The following DBN1 variants were observed in gnomAD, a reference collection of about 807,000 sequenced individuals.
DBN1 encodes the protein drebrin.
In DBN1, 21 loss-of-function variants were observed where a neutral mutation model predicts 83.5. The ratio of observed to expected loss-of-function variants is 0.25; its 90% CI spans 0.18 to 0.36. The LOEUF is 0.36. DBN1 is among the 10% of genes least tolerant of loss of function. The probability of loss-of-function intolerance (pLI) is 1.00; values close to 1 mark genes in which losing one functional copy is unlikely to be tolerated. For missense variants in DBN1, 874 were observed against 935.7 expected, an observed-to-expected ratio of 0.93 and a Z score of 0.86; for synonymous variants, 381 against 384.9, an observed-to-expected ratio of 0.99 and a Z score of 0.12.
Position 177,473,558 on chromosome 5 carries a change from G to C in DBN1, c.-37C>G. On this transcript the variant is annotated 5_prime_UTR_variant, in exon 1 of 15. Transcript: ENST00000393565. ...GACCGGGCCGAACGGACAGACGCGCGGACGGACGGGCGGACGGAGGAGGAG... is the reference window on the plus strand; with the variant it reads ...GACCGGGCCGAACGGACAGACGCGCCGACGGACGGGCGGACGGAGGAGGAG... The C allele has an allele frequency of 7.6e-7, 1 of 1,313,712 alleles. No individual in the cohort carries two copies. The highest frequency in any genetic ancestry group is 9.8e-7 in the Non-Finnish European group (1 of 1,016,968). 81.4% of individuals were successfully genotyped at this position (1,313,712 alleles called of 1,614,324 possible). A position where few individuals can be genotyped will look rare whatever the true frequency, so the allele number is the denominator to read the frequency against.
rs761073720 is a variant in DBN1, at chr5:177,466,855, G to A, written c.708-20C>T. ...TTCCTCCTGGAACGATAAGCAGCCA[G>A]CACCCGTCAGGGTGCGCCCGGGGGC... On this transcript the variant is annotated intron_variant, in intron 7 of 14. Coordinates refer to ENST00000393565, the MANE Select transcript of DBN1 (RefSeq NM_001363541.2). The surrounding 1 kb of genome is among the most constrained non-coding windows in gnomAD (Gnocchi z 4.8). The A allele has an allele frequency of 6.2e-7, 1 of 1,613,954 alleles. No individual in the cohort carries two copies. The highest frequency in any genetic ancestry group is 8.5e-7 in the Non-Finnish European group (1 of 1,179,948).
chr5:177,467,332 C>G lies in DBN1; in HGVS notation c.478G>C (p.Gly160Arg). Reference sequence around the variant, plus strand: ...GCATCCGTCTTCTGGTAGGTGGTGCCCTGCAGTGTCGAAGGACCCAGCATA... The same window carrying G: ...GCATCCGTCTTCTGGTAGGTGGTGCGCTGCAGTGTCGAAGGACCCAGCATA... ...LREDENAEPV[G>R]TTYQKTDAAV... is the part of the protein sequence containing the mutation. The change falls in exon 6 of 15, where the codon GGC becomes CGC. Residue 160 changes from glycine to arginine, a missense_variant and splice_region_variant. Physicochemically the swap from Gly to Arg is moderately radical, Grantham distance 125. Around this residue, in one of 4 missense-constraint regions of DBN1, gnomAD observed 725 missense variants for 719.7 expected, o/e 1.01. Coordinates refer to ENST00000393565, the MANE Select transcript of DBN1 (RefSeq NM_001363541.2). The surrounding 1 kb of genome is among the most constrained non-coding windows in gnomAD (Gnocchi z 9.1). 6.2e-7 allele frequency: 1 copy of G among 1,614,170 alleles called. No individual in the cohort carries two copies. The highest frequency in any genetic ancestry group is 8.5e-7 in the Non-Finnish European group (1 of 1,180,026).
Position 177,466,457 on chromosome 5 carries a change from G to C in DBN1, c.771+315C>G, listed in dbSNP as rs181619242. 1.4e-3 allele frequency among the ~76,000 whole-genome samples: 220 copies of C among 152,344 alleles called. 2 individuals are homozygous for C. Among genetic ancestry groups the C allele is most frequent in the Admixed American group, 0.012 (177 of 15,308 alleles). On this transcript the variant is annotated intron_variant, in intron 8 of 14. Transcript: ENST00000393565. The surrounding 1 kb of genome is among the most constrained non-coding windows in gnomAD (Gnocchi z 4.8). The stretch of plus-strand genomic sequence containing the variant: ...CACTCCTGTGGCCCCTCAGAGTGCA[G>C]AACAGTGTCTAATCGCCGAGAAACC...
intron 12 of DBN1, 102 bp from the exon 13 acceptor site, chr5:177,458,809 C>T: frequency 8.3e-7 from 1 of 1,210,486 alleles, no homozygotes; most frequent in Non-Finnish European, 1.1e-6. Context: ...GACTTCCATG[C>T]AGGTGTCCCA....
At chr5:177,462,327 C>G in intron 8 of DBN1, 1 of 985,508 alleles carries the variant, frequency 1.0e-6, no homozygotes, top group Non-Finnish European at 1.2e-6. Flanking sequence ...GGGAGACTGG[C>G]CTCCCTCCCA....
At chr5:177,462,154 C>G in intron 8 of DBN1, 2 of 916,792 alleles carry the variant, frequency 2.2e-6, no homozygotes, top group Non-Finnish European at 1.3e-6. Flanking sequence ...TGGCCTACGT[C>G]CCCCACCCCT....
chr5:177,467,923 G>C lies in DBN1; in HGVS notation c.256-106C>G. 1.4e-6 allele frequency: 2 copies of C among 1,425,938 alleles called. No individual in the cohort carries two copies. The highest frequency in any genetic ancestry group is 2.0e-6 in the Non-Finnish European group (2 of 1,019,216). 88.3% of individuals were successfully genotyped at this position (1,425,938 alleles called of 1,614,324 possible). A position where few individuals can be genotyped will look rare whatever the true frequency, so the allele number is the denominator to read the frequency against. On this transcript the variant is annotated intron_variant, in intron 3 of 14. Transcript: ENST00000393565. This position sits in a 1 kb window ranked among gnomAD's most constrained non-coding sequence, Gnocchi z 9.1. ...GAAGAGGGTGGGCTTCCCTCTCCAC[G>C]GGTGTCAGAGGGCCGACGGGGAGGG...
chr5:177,463,967 T>C (rs1030940188), intron 8 of DBN1, among the ~76,000 whole-genome samples: 9 of 151,128 alleles, frequency 6.0e-5, no homozygotes, highest in African/African-American at 2.2e-4. Context: ...ATACAAACAT[T>C]AGCCGGGCAT....
At chr5:177,460,960 G>A (rs1165105008) in intron 8 of DBN1, among the ~76,000 whole-genome samples, 1 of 150,966 alleles carries the variant, frequency 6.6e-6, no homozygotes, top group African/African-American at 2.4e-5. Flanking sequence ...TAATTTTTTG[G>A]TAGAGATGGG....
intron 1 of DBN1, 65 bp downstream of exon 1, chr5:177,473,371 A>C: frequency 3.2e-5 from 29 of 917,408 alleles, no homozygotes; most frequent in East Asian, 7.0e-5. Flanking sequence ...GCGGGGCGGG[A>C]GAGAAACAAA....
At position 177,458,787 on chromosome 5, in the gene DBN1, G is replaced by A. The variant is rs900156495; in HGVS notation, c.1265-80C>T. 4 of 1,326,924 alleles carry A rather than the reference G, an allele frequency of 3.0e-6. No individual in the cohort carries two copies. The East Asian group carries it at 1.0e-4, about 34-fold the overall frequency. 82.2% of individuals were successfully genotyped at this position (1,326,924 alleles called of 1,614,324 possible). On this transcript the variant is annotated intron_variant, in intron 12 of 14. Transcript: ENST00000393565. ...AGACCCTGCCCACCCACTAAGGAGTGAGGGAGCCAGGGACTTCCATGCAGG... is the reference window on the plus strand; with the variant it reads ...AGACCCTGCCCACCCACTAAGGAGTAAGGGAGCCAGGGACTTCCATGCAGG...
chr5:177,463,010 C>T (rs1010218351), intron 8 of DBN1, among the ~76,000 whole-genome samples: 5 of 151,988 alleles, frequency 3.3e-5, no homozygotes, highest in South Asian at 4.1e-4. Context: ...CTGCCTTGTT[C>T]AAAGAAAGGA....
Position 177,467,240 on chromosome 5 carries a change from C to G in DBN1, c.555+15G>C, listed in dbSNP as rs368743472. On this transcript the variant is annotated intron_variant, in intron 6 of 14. Coordinates refer to ENST00000393565, the MANE Select transcript of DBN1 (RefSeq NM_001363541.2). The surrounding 1 kb of genome is among the most constrained non-coding windows in gnomAD (Gnocchi z 9.1). ...TGAGGGGTGGCTCAGCCAGGCCGGG[C>G]TCAGGGTTCCATACCTTGGCCTGCT... The G allele has an allele frequency of 6.2e-7, 1 of 1,613,956 alleles. No homozygotes were observed. The highest frequency in any genetic ancestry group is 8.5e-7 in the Non-Finnish European group (1 of 1,179,948).
At chr5:177,465,950 G>A (rs1757416793) in intron 8 of DBN1, among the ~76,000 whole-genome samples, 1 of 152,008 alleles carries the variant, frequency 6.6e-6, no homozygotes, top group Non-Finnish European at 1.5e-5. Context: ...GGTGGCAGGT[G>A]TGTGTTGAAT....
chr5:177,458,657 C>A lies in DBN1; in HGVS notation c.1315G>T (p.Ala439Ser). 1 of 1,580,360 alleles carries A rather than the reference C, an allele frequency of 6.3e-7. No homozygotes were observed. Among genetic ancestry groups the A allele is most frequent in the South Asian group, 1.2e-5 (1 of 85,458 alleles). ...ATGGGGCCGGCCCAGGCCTGAGGGGCTGCTGCTCTGGTCTCCTCACTGTCT... is the reference window on the plus strand; with the variant it reads ...ATGGGGCCGGCCCAGGCCTGAGGGGATGCTGCTCTGGTCTCCTCACTGTCT... ...ILDSEETRAA[A>S]PQAWAGPMEE... Residue 439 changes from alanine to serine, a missense_variant, in exon 13 of 15, where the codon GCC (alanine) becomes TCC (serine). Ala to Ser is a moderately conservative substitution (Grantham distance 99, BLOSUM62 1). Transcript: ENST00000393565.
At chr5:177,460,240 A>G (rs1342433491) in intron 10 of DBN1, among the ~76,000 whole-genome samples, 192 bp downstream of exon 10, 1 of 152,176 alleles carries the variant, frequency 6.6e-6, no homozygotes, top group Admixed American at 6.5e-5. Flanking sequence ...GCCACAAGCG[A>G]CTTCACCACC....
intron 1 of DBN1, chr5:177,472,123 AG>A: frequency 6.2e-7 from 1 of 1,608,076 alleles, no homozygotes; most frequent in Non-Finnish European, 8.5e-7. Flanking sequence ...ACTGACCTGC[AG>A]GACACGAGAG....
chr5:177,467,131 T>G lies in DBN1; in HGVS notation c.556-69A>C, dbSNP rs1351991968. 12 of 1,606,772 alleles carry G rather than the reference T, an allele frequency of 7.5e-6. No homozygotes were observed. In the African/African-American group the frequency reaches 1.6e-4, roughly 22 times the overall value. Reference sequence around the variant, plus strand: ...GCCTGGACCCTGCCCCTCCAGCCCCTCCCTAACCCAGCGCTGGGGGCGGGG... The same window carrying G: ...GCCTGGACCCTGCCCCTCCAGCCCCGCCCTAACCCAGCGCTGGGGGCGGGG... On this transcript the variant is annotated intron_variant, in intron 6 of 14. Coordinates refer to ENST00000393565, the MANE Select transcript of DBN1 (RefSeq NM_001363541.2). This position sits in a 1 kb window ranked among gnomAD's most constrained non-coding sequence, Gnocchi z 9.1.
intron 1 of DBN1, among the ~76,000 whole-genome samples, chr5:177,471,838 G>A (rs1273657398): frequency 6.6e-6 from 1 of 152,128 alleles, no homozygotes; most frequent in African/African-American, 2.4e-5. Flanking sequence ...GGGCAACAGG[G>A]GTTGTGTGGC....
Sources: gnomAD v4.1 joint callset for allele counts (sites outside exome capture counted in the v4.1 genomes callset) on GRCh38, gnomAD v4.1.1 for gene constraint, gnomAD v4.1.1 regional missense constraint, Gnocchi (gnomAD v3.1) non-coding constraint, MANE v1.5 for transcripts, NCBI Gene and HGNC (gene_info 2026-07-23, HGNC 2026-07-21) for gene names.